The following EIF2AK4 variants were observed in gnomAD, a reference collection of about 807,000 sequenced individuals.
The protein encoded by EIF2AK4 is eIF-2-alpha kinase GCN2.
In EIF2AK4, 139 loss-of-function variants were observed where a neutral mutation model predicts 211.1. The ratio of observed to expected loss-of-function variants is 0.66; its 90% CI spans 0.57 to 0.76. The LOEUF is 0.76. Among genes scored for constraint, EIF2AK4 ranks in the 30% least tolerant of loss-of-function variants. EIF2AK4 has a pLI of 0.00. For missense variants in EIF2AK4, 1,664 were observed against 2,043.8 expected, an observed-to-expected ratio of 0.81 and a Z score of 3.58; for synonymous variants, 710 against 751.3, an observed-to-expected ratio of 0.94 and a Z score of 0.90.
chr15:39,992,258 C>G (rs1231018406), intron 17 of EIF2AK4, 29 bp downstream of exon 17: 2 of 1,577,664 alleles, frequency 1.3e-6, no homozygotes, highest in Non-Finnish European at 8.6e-7. Context: ...ATATTTCATC[C>G]ATGTGTTAAA....
At chr15:40,005,420 C>A (rs2035146751) in intron 23 of EIF2AK4, among the ~76,000 whole-genome samples, 1 of 151,440 alleles carries the variant, frequency 6.6e-6, no homozygotes, top group African/African-American at 2.4e-5. Context: ...TCACTTGAAC[C>A]CGGGAGGCGG....
chr15:40,007,895 C>T, intron 24 of EIF2AK4, 132 bp from the exon 25 acceptor site: 2 of 657,662 alleles, frequency 3.0e-6, no homozygotes, highest in South Asian at 3.5e-5. Flanking sequence ...TCAAATTTGT[C>T]TTTCAGTCCT....
In EIF2AK4 at chr15:40,000,927, G is replaced by A. The variant is rs1022801735; in HGVS notation, c.2923-61G>A. On this transcript the variant is annotated intron_variant, in intron 20 of 38. Coordinates refer to ENST00000263791, the MANE Select transcript of EIF2AK4 (RefSeq NM_001013703.4). The stretch of plus-strand genomic sequence containing the variant: ...ACCTGAACTGACTACTGACTTGTCC[G>A]GAGAATAGCTGAGCATTATCCATTG... 2.3e-5 allele frequency: 36 copies of A among 1,541,930 alleles called. No individual in the cohort carries two copies. The Admixed American group carries it at 3.2e-4, about 14-fold the overall frequency.
chr15:39,973,157 C>A, intron 10 of EIF2AK4, 143 bp downstream of exon 10: 1 of 716,244 alleles, frequency 1.4e-6, no homozygotes, highest in Non-Finnish European at 2.4e-6. Flanking sequence ...TTGATGTGTG[C>A]CATGTGCATG....
chr15:40,023,791 T>C (rs536389879), intron 32 of EIF2AK4, among the ~76,000 whole-genome samples: 14 of 152,346 alleles, frequency 9.2e-5, no homozygotes, highest in African/African-American at 2.9e-4. Flanking sequence ...TCCACTCTTA[T>C]CCATTACTAT....
intron 35 of EIF2AK4, among the ~76,000 whole-genome samples, chr15:40,031,076 C>T (rs781005332): frequency 6.6e-6 from 1 of 152,084 alleles, no homozygotes; most frequent in Non-Finnish European, 1.5e-5. Context: ...CCTGTCTCTA[C>T]TAAAAATACA....
chr15:40,020,982 C>G lies in EIF2AK4; in HGVS notation c.4257C>G (p.Leu1419=). ...MSRAINLTQK[L]WTAGITAEIM... ...GGGCCATCAACCTAACCCAGAAACT[C>G]TGGACAGCAGGCATCACAGCAGAAA... Residue 1419 remains leucine, a synonymous_variant, in exon 31 of 39, where the codon CTC becomes CTG. Transcript: ENST00000263791. The G allele has an allele frequency of 6.2e-7, 1 of 1,613,828 alleles. No individual in the cohort carries two copies. The highest frequency in any genetic ancestry group is 8.5e-7 in the Non-Finnish European group (1 of 1,179,920).
At chr15:39,951,155 A>G (rs2034305629) in intron 4 of EIF2AK4, among the ~76,000 whole-genome samples, 1 of 152,014 alleles carries the variant, frequency 6.6e-6, no homozygotes, top group South Asian at 2.1e-4. Context: ...GGGGAGTGAA[A>G]TTTCCCATCA....
chr15:39,971,450 G>A (rs1394682506), intron 9 of EIF2AK4, among the ~76,000 whole-genome samples: 1 of 152,194 alleles, frequency 6.6e-6, no homozygotes, highest in Non-Finnish European at 1.5e-5. Flanking sequence ...CTTGAACCTG[G>A]GAGGTAGAGG....
intron 27 of EIF2AK4, among the ~76,000 whole-genome samples, chr15:40,014,604 A>G (rs1259587392): frequency 6.6e-6 from 1 of 152,114 alleles, no homozygotes; most frequent in Non-Finnish European, 1.5e-5. Context: ...CCACGAAACC[A>G]TTTTTTCCTC....
At chr15:40,001,660 G>T (rs1413003961) in intron 21 of EIF2AK4, among the ~76,000 whole-genome samples, 2 of 149,614 alleles carry the variant, frequency 1.3e-5, no homozygotes, top group Non-Finnish European at 3.0e-5. Flanking sequence ...AAGAAACAGT[G>T]CATTTAGAGA....
chr15:39,952,426 C>T (rs2034331725), intron 4 of EIF2AK4, among the ~76,000 whole-genome samples: 1 of 151,986 alleles, frequency 6.6e-6, no homozygotes, highest in African/African-American at 2.4e-5. Context: ...TAGCCGTACA[C>T]CACTGCACCT....
intron 9 of EIF2AK4, among the ~76,000 whole-genome samples, chr15:39,968,886 A>ATATATG (rs2034581655): frequency 7.7e-6 from 1 of 129,768 alleles, no homozygotes; most frequent in Admixed American, 7.5e-5. Flanking sequence ...ATATATATAT[A>ATATATG]TATATACACA....
rs202237104 is a variant in EIF2AK4 at position 40,017,501 on chromosome 15, C to CTATATATA, written c.4065+305_4065+312dup. Among the ~76,000 whole-genome samples the CTATATATA allele has an allele frequency of 2.1e-3, 55 of 25,990 alleles. 1 individual carries two copies. Among genetic ancestry groups the CTATATATA allele is most frequent in the South Asian group, 6.5e-3 (5 of 772 alleles). 17.1% of individuals were successfully genotyped at this position (25,990 alleles called of 152,430 possible). A position where few individuals can be genotyped will look rare whatever the true frequency, so the allele number is the denominator to read the frequency against. On this transcript the variant is annotated intron_variant, in intron 29 of 38. Coordinates refer to ENST00000263791, the MANE Select transcript of EIF2AK4 (RefSeq NM_001013703.4). ...GGCTCATGTACCCTTTACTCTGTTT[C>CTATATATA]TATATATATATATATATATATATAT...
At chr15:39,961,669 G>T in intron 6 of EIF2AK4, 115 bp from the exon 7 acceptor site, 3 of 746,934 alleles carry the variant, frequency 4.0e-6, no homozygotes, top group Non-Finnish European at 6.5e-6. Context: ...AGTAATAAAC[G>T]GGAGAAAATG....
chr15:40,017,339 C>T, intron 29 of EIF2AK4, 97 bp downstream of exon 29: 10 of 1,388,814 alleles, frequency 7.2e-6, no homozygotes, highest in Non-Finnish European at 9.8e-6. Flanking sequence ...AAATTTGAAC[C>T]AGTAATATCA....
At chr15:39,990,953 C>T (rs2140927746) in intron 16 of EIF2AK4, among the ~76,000 whole-genome samples, 1 of 152,310 alleles carries the variant, frequency 6.6e-6, no homozygotes, top group South Asian at 2.1e-4. Context: ...AGCATACTGT[C>T]TGACTGGTCG....
At position 39,973,684 on chromosome 15, in the gene EIF2AK4, C is replaced by T. The variant is rs368630393; in HGVS notation, c.1753C>T (p.Arg585Ter). ...FFSETQRQFS[R>*]YFIEFEELQL... ...TAGTGAGACACAGAGACAGTTTTCC[C>T]GATACTTCATTGAGTTTGAAGAATT... Residue 585 changes from arginine to a stop codon, truncating the protein, a stop_gained, in exon 11 of 39, where the codon CGA becomes TGA. Coordinates refer to ENST00000263791, the MANE Select transcript of EIF2AK4 (RefSeq NM_001013703.4). LOFTEE classifies it high-confidence loss of function. 4.3e-6 allele frequency: 7 copies of T among 1,614,116 alleles called. No homozygotes were observed. Among genetic ancestry groups the T allele is most frequent in the African/African-American group, 4.0e-5 (3 of 75,042 alleles).
At chr15:39,965,343 C>T (rs924426521) in intron 7 of EIF2AK4, among the ~76,000 whole-genome samples, 3 of 152,118 alleles carry the variant, frequency 2.0e-5, no homozygotes, top group Non-Finnish European at 2.9e-5. Flanking sequence ...AGGCTGGTCT[C>T]GAACTCCTGA....
Sources: gnomAD v4.1 joint callset for allele counts (sites outside exome capture counted in the v4.1 genomes callset) on GRCh38, gnomAD v4.1.1 for gene constraint, MANE v1.5 for transcripts, NCBI Gene and HGNC (gene_info 2026-07-23, HGNC 2026-07-21) for gene names.